The following SPATA13 variants were observed in gnomAD, a reference collection of about 807,000 sequenced individuals.
The protein encoded by SPATA13 is spermatogenesis-associated protein 13.
A neutral mutation model predicts 104.0 loss-of-function variants in SPATA13; 50 were observed. The observed-to-expected ratio is 0.48, with a 90% CI of 0.38 to 0.61. The LOEUF is 0.61. Ranked by LOEUF, SPATA13 falls within the 20% of genes least tolerant of loss-of-function variation. The pLI is 0.00. For missense variants in SPATA13, 1,524 were observed against 1,690.6 expected (o/e 0.90, Z 1.73); for synonymous variants, 606 against 667.5 (o/e 0.91, Z 1.42).
chr13:24,182,414 C>A (rs2138526568), intron 1 of SPATA13, among the ~76,000 whole-genome samples: 1 of 152,096 alleles, frequency 6.6e-6, no homozygotes, highest in South Asian at 2.1e-4. Flanking sequence ...TCCAGTGAGG[C>A]CTCAGGAAGC....
chr13:24,197,481 G>A (rs553380830), intron 1 of SPATA13, among the ~76,000 whole-genome samples: 9 of 152,330 alleles, frequency 5.9e-5, no homozygotes, highest in African/African-American at 1.2e-4. Flanking sequence ...CAGGAAAGGC[G>A]TGCTGAGATG....
chr13:24,014,961 G>C (rs1250733055), intron 2 of SPATA13, among the ~76,000 whole-genome samples: 1 of 145,614 alleles, frequency 6.9e-6, no homozygotes, highest in African/African-American at 2.5e-5. Context: ...CGCTATCTGG[G>C]CTCACTGCAA....
intron 4 of SPATA13, among the ~76,000 whole-genome samples, chr13:24,275,575 G>A (rs1874917991): frequency 6.6e-6 from 1 of 152,194 alleles, no homozygotes; most frequent in Non-Finnish European, 1.5e-5. Context: ...GTAGGCATTT[G>A]GGGTTTTAAA....
intron 3 of SPATA13, among the ~76,000 whole-genome samples, chr13:24,050,948 T>C (rs1452746920): frequency 3.3e-5 from 5 of 152,238 alleles, no homozygotes; most frequent in African/African-American, 1.2e-4. Flanking sequence ...CTGACTTCAG[T>C]ACTAAAATAT....
chr13:24,012,856 C>T (rs960629276), intron 2 of SPATA13, among the ~76,000 whole-genome samples: 23 of 152,218 alleles, frequency 1.5e-4, no homozygotes, highest in Non-Finnish European at 1.5e-4. Flanking sequence ...GTCTGCAGGT[C>T]GGGGCTTTCA....
Position 24,174,389 on chromosome 13 carries a change from T to TC in SPATA13, c.-112+13457_-112+13458insC, listed in dbSNP as rs1161343536. Reference sequence around the variant, plus strand: ...TGCTTGCTTTAGGCTTAGTTTGCTTTTTTTTTCTAGATTTTTGAAGTGGGA... The same window carrying TC: ...TGCTTGCTTTAGGCTTAGTTTGCTTTCTTTTTTCTAGATTTTTGAAGTGGGA... On this transcript the variant is annotated intron_variant, in intron 1 of 12. Transcript: ENST00000382108. Among the ~76,000 whole-genome samples the TC allele has an allele frequency of 3.3e-5, 5 of 152,086 alleles. No homozygotes were observed. The East Asian group carries it at 9.7e-4, about 29-fold the overall frequency.
Position 24,305,279 on chromosome 13 carries a change from T to C in SPATA13, c.*2506T>C, listed in dbSNP as rs996866860. On this transcript the variant is annotated 3_prime_UTR_variant, in exon 13 of 13. Transcript: ENST00000382108. ...GGACTTCCTAACAGAGACTTATGAATACCAGGATGTGTTTTTGTTAAGTCA... is the reference window on the plus strand; with the variant it reads ...GGACTTCCTAACAGAGACTTATGAACACCAGGATGTGTTTTTGTTAAGTCA... 2 of 152,124 alleles carry C rather than the reference T, an allele frequency of 1.3e-5. No homozygotes were observed. Among genetic ancestry groups the C allele is most frequent in the Non-Finnish European group, 2.9e-5 (2 of 67,990 alleles). The allele number at this position is 152,124 out of a possible 1,614,324, so 9.4% of individuals were successfully genotyped here.
chr13:24,149,090 G>A (rs1220332586), intron 3 of SPATA13, among the ~76,000 whole-genome samples: 1 of 152,202 alleles, frequency 6.6e-6, no homozygotes, highest in Non-Finnish European at 1.5e-5. Flanking sequence ...TGGGCAAAAG[G>A]GGGGCAGGAA....
chr13:24,135,887 G>T (rs1881549330), intron 3 of SPATA13, among the ~76,000 whole-genome samples: 2 of 152,226 alleles, frequency 1.3e-5, no homozygotes, highest in East Asian at 3.9e-4. Flanking sequence ...CCTGAGGCAG[G>T]CATATTAGCC....
chr13:24,263,983 G>A (rs978925707), intron 4 of SPATA13, among the ~76,000 whole-genome samples: 16 of 152,202 alleles, frequency 1.1e-4, no homozygotes, highest in African/African-American at 3.6e-4. Context: ...ATGGCCTTTA[G>A]TGCCCAAAAC....
chr13:24,174,845 C>T (rs1018453917), intron 1 of SPATA13, among the ~76,000 whole-genome samples: 3 of 152,220 alleles, frequency 2.0e-5, no homozygotes, highest in Admixed American at 2.0e-4. Flanking sequence ...TCCCAAAGTG[C>T]TGGGATTACA....
At chr13:24,056,391 A>G (rs1182841271) in intron 3 of SPATA13, among the ~76,000 whole-genome samples, 1 of 152,244 alleles carries the variant, frequency 6.6e-6, no homozygotes, top group African/African-American at 2.4e-5. Context: ...CGGCTTTTCA[A>G]GTAGCAAAAG....
At chr13:24,022,647 A>G (rs1877036861) in intron 3 of SPATA13, among the ~76,000 whole-genome samples, 1 of 152,164 alleles carries the variant, frequency 6.6e-6, no homozygotes, top group Non-Finnish European at 1.5e-5. Flanking sequence ...TAAAATAAGA[A>G]TTTTTTGGGG....
chr13:24,138,750 AT>A (rs11354139), intron 3 of SPATA13, among the ~76,000 whole-genome samples: 52,081 of 112,540 alleles, frequency 0.46, 11,504 homozygotes, highest in Admixed American at 0.54. Context: ...CCCCTGGCTA[AT>A]TTTTTTTTTT....
At chr13:24,211,186 A>T (rs74613348) in intron 1 of SPATA13, among the ~76,000 whole-genome samples, 2,584 of 152,272 alleles carry the variant, frequency 0.017, 71 homozygotes, top group African/African-American at 0.059. Flanking sequence ...TGTATATTAG[A>T]TAACATCATT....
chr13:24,049,780 T>C (rs758654805), intron 3 of SPATA13, among the ~76,000 whole-genome samples: 2 of 152,198 alleles, frequency 1.3e-5, no homozygotes, highest in Non-Finnish European at 2.9e-5. Flanking sequence ...CTCAAGTGTC[T>C]GTCATGCAGC....
At chr13:24,159,722 T>C (rs903977559), upstream of SPATA13, among the ~76,000 whole-genome samples, 2 of 152,264 alleles carry the variant, frequency 1.3e-5, no homozygotes, top group African/African-American at 2.4e-5. Flanking sequence ...TTAAAAAACA[T>C]ACATAAAATT....
rs1291112917 is a variant in SPATA13 at position 24,299,779 on chromosome 13, C to T, written c.3584-622C>T. On this transcript the variant is annotated intron_variant, in intron 11 of 12. Transcript: ENST00000382108. ...GCCCTGGCCATTCAGCTCTGTCCTT[C>T]CTTCTCCTTCCCCACACCCTGCGAA... Among the ~76,000 whole-genome samples, 11 of 152,348 alleles carry T rather than the reference C, an allele frequency of 7.2e-5. No homozygotes were observed. In the South Asian group the frequency reaches 2.3e-3, roughly 32 times the overall value.
chr13:24,251,949 T>G lies in SPATA13; in HGVS notation c.2164+87T>G, dbSNP rs1873515890. On this transcript the variant is annotated intron_variant, in intron 4 of 12. Coordinates refer to ENST00000382108, the MANE Select transcript of SPATA13 (RefSeq NM_001166271.3). ...AACCTGAGGCAGCAGGTTCTGCACC[T>G]TCGCGCCTCCCTTGGGCCAGGGCGC... 2.0e-6 allele frequency: 3 copies of G among 1,498,714 alleles called. No homozygotes were observed. The East Asian group carries it at 7.0e-5, about 35-fold the overall frequency. 92.8% of individuals were successfully genotyped at this position (1,498,714 alleles called of 1,614,324 possible). A position where few individuals can be genotyped will look rare whatever the true frequency, so the allele number is the denominator to read the frequency against.
Sources: gnomAD v4.1 joint callset for allele counts (sites outside exome capture counted in the v4.1 genomes callset) on GRCh38, gnomAD v4.1.1 for gene constraint, MANE v1.5 for transcripts, NCBI Gene and HGNC (gene_info 2026-07-23, HGNC 2026-07-21) for gene names.